UNC5D: variants seen among roughly 807,000 people sequenced by gnomAD.
UNC5D encodes netrin receptor UNC5D.
In UNC5D, 39 loss-of-function variants were observed where a neutral mutation model predicts 105.4. That is an observed-to-expected ratio of 0.37 (90% CI 0.29 to 0.48). The LOEUF (loss-of-function observed/expected upper bound fraction) is 0.48, where lower values mean the gene tolerates loss of function less well. Ranked by LOEUF, UNC5D falls within the 20% of genes least tolerant of loss-of-function variation. UNC5D has a pLI of 0.98. For missense variants in UNC5D, 991 were observed against 1,202.4 expected (o/e 0.82, Z 2.60); for synonymous variants, 452 against 450.4 (o/e 1.00, Z -0.04).
In UNC5D at chr8:35,249,925, A is replaced by AT. The variant is rs574682409; in HGVS notation, c.103+14049dup. ...AAATCCCTTGTCTTCACTGAAAGCC[A>AT]TTTTTTTTTTTCAAAATTGCAGAAA... On this transcript the variant is annotated intron_variant, in intron 1 of 16. Coordinates refer to ENST00000404895, the MANE Select transcript of UNC5D (RefSeq NM_080872.4). Among the ~76,000 whole-genome samples the AT allele has an allele frequency of 2.4e-3, 347 of 146,906 alleles. 8 individuals carry two copies. The South Asian group carries it at 0.038, about 16-fold the overall frequency.
At chr8:35,348,747 A>G (rs1432991453) in intron 1 of UNC5D, among the ~76,000 whole-genome samples, 1 of 151,840 alleles carries the variant, frequency 6.6e-6, no homozygotes, top group Non-Finnish European at 1.5e-5. Context: ...AAAGTTGAAG[A>G]TGTATATATC....
intron 1 of UNC5D, among the ~76,000 whole-genome samples, chr8:35,278,343 A>T (rs1805915204): frequency 6.6e-6 from 1 of 152,156 alleles, no homozygotes; most frequent in Non-Finnish European, 1.5e-5. Flanking sequence ...CTTTCTTCAC[A>T]TTTAAAATGT....
chr8:35,382,255 G>C (rs578261781), intron 1 of UNC5D, among the ~76,000 whole-genome samples: 1 of 152,290 alleles, frequency 6.6e-6, no homozygotes, highest in East Asian at 1.9e-4. Context: ...GAGGTTCTGT[G>C]TTTTCCCCTA....
At chr8:35,555,390 T>C (rs144775416) in intron 2 of UNC5D, among the ~76,000 whole-genome samples, 2 of 152,322 alleles carry the variant, frequency 1.3e-5, no homozygotes, top group East Asian at 3.9e-4. Context: ...TTTACTCTCA[T>C]CCATCCTTAG....
chr8:35,416,053 G>A (rs1202021208), intron 1 of UNC5D, among the ~76,000 whole-genome samples: 1 of 152,052 alleles, frequency 6.6e-6, no homozygotes, highest in African/African-American at 2.4e-5. Flanking sequence ...TTTGATTCTT[G>A]GAACACAAGG....
chr8:35,413,257 C>CTGTGTGTGTGTGTG (rs1183992855), intron 1 of UNC5D, among the ~76,000 whole-genome samples: 2 of 130,012 alleles, frequency 1.5e-5, no homozygotes, highest in East Asian at 2.4e-4. Flanking sequence ...GGGGGCGGGT[C>CTGTGTGTGTGTGTG]TGTGTGTGTG....
chr8:35,314,703 C>G (rs1809154415), intron 1 of UNC5D, among the ~76,000 whole-genome samples: 1 of 152,128 alleles, frequency 6.6e-6, no homozygotes, highest in Non-Finnish European at 1.5e-5. Flanking sequence ...CTTGTTGGTT[C>G]TATGGGGTTG....
At chr8:35,507,124 C>T (rs1297165702) in intron 1 of UNC5D, among the ~76,000 whole-genome samples, 13 of 131,200 alleles carry the variant, frequency 9.9e-5, no homozygotes, top group East Asian at 2.2e-4. Context: ...GGCGGGATCT[C>T]GGCTCACTGC....
At chr8:35,732,131 T>A (rs1016589096) in intron 11 of UNC5D, among the ~76,000 whole-genome samples, 1 of 152,200 alleles carries the variant, frequency 6.6e-6, no homozygotes, top group African/African-American at 2.4e-5. Context: ...TTATTTTTGT[T>A]GTTGTTAGCA....
At chr8:35,389,618 T>C (rs1803645380) in intron 1 of UNC5D, among the ~76,000 whole-genome samples, 1 of 152,050 alleles carries the variant, frequency 6.6e-6, no homozygotes, top group African/African-American at 2.4e-5. Context: ...TGCCCTTTCA[T>C]TCTTTGCATG....
chr8:35,487,348 C>T (rs1810888465), intron 1 of UNC5D, among the ~76,000 whole-genome samples: 1 of 152,086 alleles, frequency 6.6e-6, no homozygotes, highest in African/African-American at 2.4e-5. Flanking sequence ...GATTACCCCT[C>T]ATAATATGAA....
At chr8:35,732,236 T>C (rs923090830) in intron 11 of UNC5D, among the ~76,000 whole-genome samples, 11 of 152,314 alleles carry the variant, frequency 7.2e-5, no homozygotes, top group Admixed American at 7.2e-4. Flanking sequence ...AAAGGATTTG[T>C]TGGTACTCAA....
chr8:35,503,444 C>T (rs1036304205), intron 1 of UNC5D, among the ~76,000 whole-genome samples: 1 of 152,124 alleles, frequency 6.6e-6, no homozygotes, highest in Admixed American at 6.5e-5. Flanking sequence ...TGGGGGAAAC[C>T]ACCCCCATGA....
intron 2 of UNC5D, among the ~76,000 whole-genome samples, chr8:35,557,918 G>A (rs1243254013): frequency 6.6e-6 from 1 of 152,050 alleles, no homozygotes; most frequent in Non-Finnish European, 1.5e-5. Context: ...GATCACCTGA[G>A]ATCAGAAGTT....
intron 4 of UNC5D, among the ~76,000 whole-genome samples, chr8:35,664,824 T>C (rs528079259): frequency 6.6e-6 from 1 of 152,288 alleles, no homozygotes; most frequent in East Asian, 1.9e-4. Flanking sequence ...ACTCATCTAT[T>C]CTCTCAATTT....
intron 1 of UNC5D, among the ~76,000 whole-genome samples, chr8:35,245,193 C>G (rs75231040): frequency 6.6e-6 from 1 of 151,860 alleles, no homozygotes; most frequent in East Asian, 1.9e-4. Context: ...GATTTGTGTT[C>G]GAAAGCAGTT....
At chr8:35,664,109 A>G (rs1349260489) in intron 4 of UNC5D, among the ~76,000 whole-genome samples, 1 of 152,192 alleles carries the variant, frequency 6.6e-6, no homozygotes. Context: ...TACTGAACAC[A>G]ATCTAAAGTC....
chr8:35,420,041 G>A (rs959157256), intron 1 of UNC5D, among the ~76,000 whole-genome samples: 1 of 151,990 alleles, frequency 6.6e-6, no homozygotes, highest in Non-Finnish European at 1.5e-5. Flanking sequence ...CCTGGAAAAA[G>A]CATTATTTGA....
intron 11 of UNC5D, among the ~76,000 whole-genome samples, chr8:35,736,480 G>GCTA: frequency 6.6e-6 from 1 of 152,340 alleles, no homozygotes. Context: ...AAGGGACCCT[G>GCTA]CTACTATGGA....
Sources: allele counts gnomAD v4.1 joint callset (sites outside exome capture counted in the v4.1 genomes callset), GRCh38; gene constraint gnomAD v4.1.1; transcripts MANE v1.5; gene names NCBI Gene and HGNC (gene_info 2026-07-23, HGNC 2026-07-21).